The following YIPF4 variants were observed in gnomAD, a reference collection of about 807,000 sequenced individuals.
YIPF4 encodes protein YIPF4.
In YIPF4, 18 loss-of-function variants were observed where a neutral mutation model predicts 29.4. That is an observed-to-expected ratio of 0.61 (90% CI 0.42 to 0.91). The LOEUF (loss-of-function observed/expected upper bound fraction) is 0.91, where lower values mean the gene tolerates loss of function less well. Among genes scored for constraint, YIPF4 ranks in the 40% least tolerant of loss-of-function variants. The probability of loss-of-function intolerance (pLI) is 0.00; values close to 1 mark genes in which losing one functional copy is unlikely to be tolerated. For missense variants in YIPF4, 279 were observed against 282.7 expected (o/e 0.99, Z 0.09); for synonymous variants, 115 against 104.7 (o/e 1.10, Z -0.60).
Position 32,292,707 on chromosome 2 carries a change from C to T in YIPF4, c.405+359C>T, listed in dbSNP as rs1573533202. Reference sequence around the variant, plus strand: ...GGAAGCCCTGTCTCTACTAAAACTACAAAAAAAGTATCTGGGTGTGGTGGT... The same window carrying T: ...GGAAGCCCTGTCTCTACTAAAACTATAAAAAAAGTATCTGGGTGTGGTGGT... On this transcript the variant is annotated intron_variant, in intron 3 of 5. Transcript: ENST00000238831. Among the ~76,000 whole-genome samples the T allele has an allele frequency of 2.0e-5, 3 of 151,348 alleles. 1 individual carries two copies. The highest frequency in any genetic ancestry group is 2.0e-4 in the Admixed American group (3 of 15,218).
chr2:32,305,419 C>T, intron 5 of YIPF4, 70 bp from the exon 6 acceptor site: 2 of 1,389,240 alleles, frequency 1.4e-6, no homozygotes, highest in African/African-American at 2.9e-5. Context: ...ACCATTTTTA[C>T]TCTATGATAT....
chr2:32,306,159 C>T lies in YIPF4; in HGVS notation c.*533C>T, dbSNP rs1226807625. On this transcript the variant is annotated 3_prime_UTR_variant, in exon 6 of 6. Coordinates refer to ENST00000238831, the MANE Select transcript of YIPF4 (RefSeq NM_032312.4). The stretch of plus-strand genomic sequence containing the variant: ...CAAACTTTTTAATTTGGCCATTAAT[C>T]TTTTTTATTTAAAAATTTAAATTTG... 1 of 817,416 alleles carries T rather than the reference C, an allele frequency of 1.2e-6. No homozygotes were observed. The highest frequency in any genetic ancestry group is 1.5e-6 in the Non-Finnish European group (1 of 677,108). 50.6% of individuals were successfully genotyped at this position (817,416 alleles called of 1,614,324 possible).
chr2:32,294,406 A>G (rs1286823202), intron 3 of YIPF4, among the ~76,000 whole-genome samples: 1 of 151,480 alleles, frequency 6.6e-6, no homozygotes, highest in Admixed American at 6.6e-5. Context: ...GGCCGAGCAG[A>G]GGCGCTCCTC....
At chr2:32,305,450 C>G in intron 5 of YIPF4, 39 bp from the exon 6 acceptor site, 1 of 1,441,004 alleles carries the variant, frequency 6.9e-7, no homozygotes, top group Non-Finnish European at 9.1e-7. Flanking sequence ...AATTGACTTG[C>G]TAATATGCTG....
At chr2:32,292,862 C>CAAAAAAAA (rs1217481341) in intron 3 of YIPF4, among the ~76,000 whole-genome samples, 2 of 77,892 alleles carry the variant, frequency 2.6e-5, no homozygotes, top group Non-Finnish European at 2.4e-5. Flanking sequence ...GACTCCATCT[C>CAAAAAAAA]AAAAAAAAAA....
chr2:32,285,223 G>C (rs1368180033), intron 1 of YIPF4, among the ~76,000 whole-genome samples: 2 of 152,148 alleles, frequency 1.3e-5, no homozygotes, highest in African/African-American at 4.8e-5. Flanking sequence ...AAAGCAAACT[G>C]TCAAGGATAA....
intron 5 of YIPF4, among the ~76,000 whole-genome samples, chr2:32,303,368 A>G (rs2031470320): frequency 6.6e-6 from 1 of 152,174 alleles, no homozygotes; most frequent in Admixed American, 6.5e-5. Context: ...TCTGCCTAGT[A>G]CAGTGCTTGG....
intron 4 of YIPF4, 130 bp from the exon 5 acceptor site, chr2:32,301,252 T>C: frequency 1.6e-6 from 1 of 634,904 alleles, no homozygotes; most frequent in Non-Finnish European, 2.8e-6. Context: ...ATAATGAGTA[T>C]AATAGTTTAT....
intron 1 of YIPF4, among the ~76,000 whole-genome samples, chr2:32,280,133 A>T (rs1234256829): frequency 6.8e-5 from 10 of 146,274 alleles, no homozygotes; most frequent in African/African-American, 2.6e-4. Flanking sequence ...ATATATATAT[A>T]TATTTTTTTT....
In YIPF4 at chr2:32,316,145, C is replaced by T. The variant is rs2031828578; in HGVS notation, c.*10519C>T. The T allele has an allele frequency of 6.6e-6, 1 of 150,620 alleles. No homozygotes were observed. 9.3% of individuals were successfully genotyped at this position (150,620 alleles called of 1,614,324 possible). A position where few individuals can be genotyped will look rare whatever the true frequency, so the allele number is the denominator to read the frequency against. ...GATTCTACAGGAAAAAGATGAACTA[C>T]AAATTGGGGAAAAATATTTGTAGGA... On this transcript the variant is annotated 3_prime_UTR_variant, in exon 6 of 6. Coordinates refer to ENST00000238831, the MANE Select transcript of YIPF4 (RefSeq NM_032312.4).
rs559111808 is a variant in YIPF4, at chr2:32,310,451, C to T, written c.*4825C>T. ...GGATTGGTACCAGAACCACTGCATA[C>T]CAAATTCCACCCATACTCAAGTCTC... On this transcript the variant is annotated 3_prime_UTR_variant, in exon 6 of 6. Transcript: ENST00000238831. The T allele has an allele frequency of 6.6e-6, 1 of 152,196 alleles. No individual in the cohort carries two copies. The highest frequency in any genetic ancestry group is 2.4e-5 in the African/African-American group (1 of 41,430). 9.4% of individuals were successfully genotyped at this position (152,196 alleles called of 1,614,324 possible).
intron 1 of YIPF4, among the ~76,000 whole-genome samples, chr2:32,279,217 C>G (rs2030264122): frequency 6.6e-6 from 1 of 151,940 alleles, no homozygotes. Context: ...GTGATCCGCC[C>G]GCCTCGGCCT....
At chr2:32,294,899 C>T (rs1032442730) in intron 3 of YIPF4, among the ~76,000 whole-genome samples, 36 of 152,200 alleles carry the variant, frequency 2.4e-4, no homozygotes, top group African/African-American at 8.7e-4. Flanking sequence ...ACCCCGTCTC[C>T]ACCAAAAAAA....
chr2:32,299,980 A>G (rs958352680), intron 4 of YIPF4, among the ~76,000 whole-genome samples: 2 of 151,936 alleles, frequency 1.3e-5, no homozygotes, highest in Non-Finnish European at 2.9e-5. Flanking sequence ...TAAAAATACA[A>G]AAATTGCTGG....
At position 32,306,993 on chromosome 2, in the gene YIPF4, A is replaced by G; in HGVS notation, c.*1367A>G. ...AAGCCCAGCCGTCTTCCTTTCCCCTAATCCCAAAAGGAAAGAAAGAAAAAC... is the reference window on the plus strand; with the variant it reads ...AAGCCCAGCCGTCTTCCTTTCCCCTGATCCCAAAAGGAAAGAAAGAAAAAC... On this transcript the variant is annotated 3_prime_UTR_variant, in exon 6 of 6. Transcript: ENST00000238831. 1 of 660,058 alleles carries G rather than the reference A, an allele frequency of 1.5e-6. No individual in the cohort carries two copies. Among genetic ancestry groups the G allele is most frequent in the Non-Finnish European group, 2.2e-6 (1 of 451,504 alleles). The allele number at this position is 660,058 out of a possible 1,614,324, so 40.9% of individuals were successfully genotyped here.
At chr2:32,292,756 C>CG (rs1553353633) in intron 3 of YIPF4, among the ~76,000 whole-genome samples, 1 of 149,366 alleles carries the variant, frequency 6.7e-6, no homozygotes, top group Non-Finnish European at 1.5e-5. Flanking sequence ...CCCAGCTACT[C>CG]GGGAAGCTGA....
intron 1 of YIPF4, among the ~76,000 whole-genome samples, chr2:32,286,399 T>G (rs2030671581): frequency 6.6e-6 from 1 of 152,240 alleles, no homozygotes; most frequent in Non-Finnish European, 1.5e-5. Flanking sequence ...AATTTCATCT[T>G]TTTGTTTATC....
rs181221511 is a variant in YIPF4, at chr2:32,310,990, T to C, written c.*5364T>C. On this transcript the variant is annotated 3_prime_UTR_variant, in exon 6 of 6. Coordinates refer to ENST00000238831, the MANE Select transcript of YIPF4 (RefSeq NM_032312.4). ...AGCATTTTGTGTGTTTGAGAATCTC[T>C]TGACACTCTTCAAGTAAATCCCTAA... 1.3e-5 allele frequency: 2 copies of C among 152,210 alleles called. No individual in the cohort carries two copies. Among genetic ancestry groups the C allele is most frequent in the African/African-American group, 4.8e-5 (2 of 41,450 alleles). 9.4% of individuals were successfully genotyped at this position (152,210 alleles called of 1,614,324 possible).
At chr2:32,298,147 T>C (rs1414361785) in intron 3 of YIPF4, 87 bp from the exon 4 acceptor site, 28 of 1,055,134 alleles carry the variant, frequency 2.7e-5, no homozygotes, top group Non-Finnish European at 7.3e-6. Flanking sequence ...CATGCTAAAC[T>C]GTCATTTATG....
Sources: gnomAD v4.1 joint callset for allele counts (sites outside exome capture counted in the v4.1 genomes callset) on GRCh38, gnomAD v4.1.1 for gene constraint, MANE v1.5 for transcripts, NCBI Gene and HGNC (gene_info 2026-07-23, HGNC 2026-07-21) for gene names.